Variants in ARHGEF10 observed in about 807,000 individuals in gnomAD.
ARHGEF10 encodes Rho guanine nucleotide exchange factor (GEF) 10.
A neutral mutation model predicts 147.4 loss-of-function variants in ARHGEF10; 140 were observed. That is an observed-to-expected ratio of 0.95 (90% CI 0.83 to 1.09). The LOEUF is 1.09. ARHGEF10 is among the 50% of genes least tolerant of loss of function. The probability of loss-of-function intolerance (pLI) is 0.00; values close to 1 mark genes in which losing one functional copy is unlikely to be tolerated. For synonymous variants in ARHGEF10, 902 were observed against 695.8 expected (o/e 1.30, Z -4.67); for missense variants, 2,222 against 1,752.7 (o/e 1.27, Z -4.78).
chr8:1,886,728 C>G (rs990706224), intron 11 of ARHGEF10, among the ~76,000 whole-genome samples: 3 of 152,188 alleles, frequency 2.0e-5, no homozygotes, highest in African/African-American at 7.2e-5. Flanking sequence ...GCATTTCATC[C>G]TTGCAAATCC....
At chr8:1,898,864 A>T (rs1810235139) in intron 15 of ARHGEF10, among the ~76,000 whole-genome samples, 1 of 152,180 alleles carries the variant, frequency 6.6e-6, no homozygotes, top group Non-Finnish European at 1.5e-5. Context: ...AGTGGCCCAC[A>T]GGTCACAGCT....
intron 23 of ARHGEF10, chr8:1,926,904 C>T (rs970227108): frequency 6.8e-6 from 2 of 294,326 alleles, no homozygotes; most frequent in African/African-American, 4.5e-5. Context: ...GTTCCTGGTT[C>T]TTGCAAACCA....
At chr8:1,828,030 G>A (rs1490532399) in intron 1 of ARHGEF10, among the ~76,000 whole-genome samples, 5 of 152,168 alleles carry the variant, frequency 3.3e-5, no homozygotes, top group East Asian at 3.8e-4. Context: ...CTTAATGACC[G>A]TCAGTCCCTG....
In ARHGEF10 at chr8:1,903,391, T is replaced by C. The variant is rs775291121; in HGVS notation, c.1761T>C (p.Ala587=). Reference sequence around the variant, plus strand: ...AGTTAAATGAAAGAAAGAGAGATGCTGATCAACGCTGTGAAGTGAAGCAAA... The same window carrying C: ...AGTTAAATGAAAGAAAGAGAGATGCCGATCAACGCTGTGAAGTGAAGCAAA... The part of the protein sequence containing the change: ...AEKLNERKRD[A]DQRCEVKQIA... The change falls in exon 16 of 29, where the codon GCT becomes GCC. Residue 587 remains alanine (A), a synonymous_variant. Coordinates refer to ENST00000349830, the MANE Select transcript of ARHGEF10 (RefSeq NM_014629.4). 1.2e-6 allele frequency: 2 copies of C among 1,614,212 alleles called. No individual in the cohort carries two copies. The highest frequency in any genetic ancestry group is 1.1e-5 in the South Asian group (1 of 91,086).
intron 11 of ARHGEF10, among the ~76,000 whole-genome samples, chr8:1,892,224 C>T (rs1040116457): frequency 4.0e-5 from 6 of 149,486 alleles, no homozygotes; most frequent in African/African-American, 1.5e-4. Context: ...TGTGCTCTGA[C>T]GTTTCCTGTG....
At chr8:1,865,686 G>A (rs759635829) in intron 5 of ARHGEF10, among the ~76,000 whole-genome samples, 1 of 151,606 alleles carries the variant, frequency 6.6e-6, no homozygotes, top group African/African-American at 2.4e-5. Context: ...TTGAGAAGTC[G>A]TCATCGTGGG....
chr8:1,881,775 G>A (rs1166361152), intron 9 of ARHGEF10, among the ~76,000 whole-genome samples: 1 of 152,224 alleles, frequency 6.6e-6, no homozygotes, highest in Non-Finnish European at 1.5e-5. Flanking sequence ...TCCTCACGCG[G>A]TGGTGTGACC....
At chr8:1,880,221 C>G in intron 9 of ARHGEF10, 57 bp downstream of exon 9, 2 of 1,257,402 alleles carry the variant, frequency 1.6e-6, no homozygotes, top group Non-Finnish European at 2.3e-6. Context: ...TAAAGAAAAA[C>G]CGCGCGGCTC....
At chr8:1,824,647 C>T (rs1334389914) in intron 1 of ARHGEF10, among the ~76,000 whole-genome samples, 4 of 132,622 alleles carry the variant, frequency 3.0e-5, no homozygotes, top group Non-Finnish European at 6.5e-5. Context: ...TCCCCGCACC[C>T]CAGCTGTCCC....
At chr8:1,858,166 GA>G (rs746925927) in intron 3 of ARHGEF10, 51 bp downstream of exon 3, 6 of 1,548,168 alleles carry the variant, frequency 3.9e-6, no homozygotes, top group Non-Finnish European at 5.3e-6. Context: ...GTCCCCAGGT[GA>G]GTCCCCAGGT....
chr8:1,846,911 C>G (rs1389183185), intron 2 of ARHGEF10, among the ~76,000 whole-genome samples: 1 of 152,116 alleles, frequency 6.6e-6, no homozygotes, highest in Non-Finnish European at 1.5e-5. Context: ...GTTTTTATAC[C>G]GCGTTAACAT....
intron 6 of ARHGEF10, among the ~76,000 whole-genome samples, chr8:1,867,939 G>A (rs1806761188): frequency 6.6e-6 from 1 of 152,194 alleles, no homozygotes; most frequent in Admixed American, 6.5e-5. Context: ...GCCTATTAAA[G>A]CAGGATCGTT....
intron 18 of ARHGEF10, among the ~76,000 whole-genome samples, chr8:1,917,906 G>T (rs1203298143): frequency 6.6e-6 from 1 of 151,748 alleles, no homozygotes; most frequent in Non-Finnish European, 1.5e-5. Context: ...TCTCTGAGTA[G>T]CTGGAACTAC....
chr8:1,834,346 A>T (rs1215646599), intron 1 of ARHGEF10, among the ~76,000 whole-genome samples: 1 of 152,174 alleles, frequency 6.6e-6, no homozygotes, highest in Non-Finnish European at 1.5e-5. Context: ...GGAGGGGAGA[A>T]GATCCCACGG....
intron 13 of ARHGEF10, 89 bp downstream of exon 13, chr8:1,894,661 C>G: frequency 6.3e-6 from 9 of 1,436,292 alleles, no homozygotes; most frequent in Non-Finnish European, 7.8e-6. Context: ...TGCCCCTGAT[C>G]TCCTGCAAGC....
intron 8 of ARHGEF10, among the ~76,000 whole-genome samples, chr8:1,879,257 A>G (rs996461276): frequency 1.3e-5 from 2 of 152,164 alleles, no homozygotes; most frequent in African/African-American, 4.8e-5. Context: ...CCCGTCAGTT[A>G]GAGAGAAAGT....
chr8:1,947,696 C>G (rs1814705280), intron 27 of ARHGEF10, among the ~76,000 whole-genome samples: 1 of 147,236 alleles, frequency 6.8e-6, no homozygotes. Context: ...ATTCAGCACC[C>G]ACCCTCTCAT....
chr8:1,882,813 G>T, intron 10 of ARHGEF10, 64 bp downstream of exon 10: 1 of 910,728 alleles, frequency 1.1e-6, no homozygotes, highest in Non-Finnish European at 1.7e-6. Context: ...CACATCTTGT[G>T]GGGAGGACTC....
intron 2 of ARHGEF10, among the ~76,000 whole-genome samples, chr8:1,845,633 G>A (rs978708159): frequency 2.0e-5 from 3 of 152,192 alleles, no homozygotes; most frequent in Admixed American, 6.5e-5. Flanking sequence ...CGGAAACACC[G>A]TTTTCTCATT....
Sources: allele counts gnomAD v4.1 joint callset (sites outside exome capture counted in the v4.1 genomes callset), GRCh38; gene constraint gnomAD v4.1.1; transcripts MANE v1.5; gene names NCBI Gene and HGNC (gene_info 2026-07-23, HGNC 2026-07-21).